The following SS18 variants were observed in gnomAD, a reference collection of about 807,000 sequenced individuals.
SS18 encodes the protein SS18 subunit of BAF chromatin remodeling complex, also known as protein SSXT.
A neutral mutation model predicts 72.5 loss-of-function variants in SS18; 28 were observed. The ratio of observed to expected loss-of-function variants is 0.39; its 90% CI spans 0.29 to 0.53. The LOEUF is 0.53. Among genes scored for constraint, SS18 ranks in the 20% least tolerant of loss-of-function variants. The pLI is 0.76. For synonymous variants in SS18, 172 were observed against 164.2 expected (o/e 1.05, Z -0.37); for missense variants, 518 against 535.3 (o/e 0.97, Z 0.32).
At chr18:26,036,010 G>GA (rs750016360) in intron 7 of SS18, 87 bp from the exon 8 acceptor site, 156 of 790,994 alleles carry the variant, frequency 2.0e-4, no homozygotes, top group Middle Eastern at 4.5e-4. Context: ...AGATAAAATT[G>GA]AAAAAAAAGA....
At position 26,019,962 on chromosome 18, in the gene SS18, G is replaced by A. The variant is rs549653616; in HGVS notation, c.1231-1582C>T. ...ACTCTGAAAAAAATAGTGTAGAGGG[G>A]TAGATAAAACAACATTGGCAAAATG... On this transcript the variant is annotated intron_variant, in intron 10 of 10. Transcript: ENST00000415083. Among the ~76,000 whole-genome samples the A allele has an allele frequency of 2.6e-5, 4 of 152,132 alleles. No individual in the cohort carries two copies. The South Asian group carries it at 6.2e-4, about 24-fold the overall frequency.
intron 9 of SS18, among the ~76,000 whole-genome samples, chr18:26,033,632 TTCAAGCTTAAATAAATTATATCAGC>T (rs149540636): frequency 0.02 from 3,063 of 152,184 alleles, 91 homozygotes; most frequent in African/African-American, 0.07. Flanking sequence ...AGAACAAGTT[TTCAAGCTTAAATAAATTATATCAGC>T]CTATTATTTA....
chr18:26,063,503 C>T (rs868579829), intron 3 of SS18, among the ~76,000 whole-genome samples: 15 of 151,670 alleles, frequency 9.9e-5, no homozygotes, highest in African/African-American at 2.2e-4. Flanking sequence ...GGCGACAGAG[C>T]GAGACTCCAT....
chr18:26,056,705 T>A (rs1421790759), intron 4 of SS18, among the ~76,000 whole-genome samples: 1 of 152,280 alleles, frequency 6.6e-6, no homozygotes. Flanking sequence ...ATAATTGTTC[T>A]GTTATTTTAT....
chr18:26,020,511 T>A (rs1299559253), intron 10 of SS18, among the ~76,000 whole-genome samples: 1 of 152,210 alleles, frequency 6.6e-6, no homozygotes, highest in East Asian at 1.9e-4. Flanking sequence ...GTATATAAGC[T>A]ATAATTTATC....
At chr18:26,049,587 C>T (rs1598565400) in intron 5 of SS18, among the ~76,000 whole-genome samples, 2 of 152,196 alleles carry the variant, frequency 1.3e-5, no homozygotes, top group Admixed American at 6.5e-5. Context: ...AGCAAACTCA[C>T]TACAGCCTCG....
At chr18:26,055,118 G>C (rs1025332216) in intron 4 of SS18, among the ~76,000 whole-genome samples, 3 of 151,924 alleles carry the variant, frequency 2.0e-5, no homozygotes, top group African/African-American at 7.3e-5. Flanking sequence ...GGCATCCTTT[G>C]GTATCCTTTG....
intron 5 of SS18, among the ~76,000 whole-genome samples, chr18:26,041,861 C>T (rs1255190081): frequency 1.3e-5 from 2 of 152,156 alleles, no homozygotes; most frequent in Non-Finnish European, 2.9e-5. Flanking sequence ...TGTGCTTTAT[C>T]TTTTGGGACT....
intron 5 of SS18, among the ~76,000 whole-genome samples, chr18:26,042,412 G>T (rs1188080464): frequency 6.6e-6 from 1 of 152,016 alleles, no homozygotes; most frequent in African/African-American, 2.4e-5. Context: ...TAATTACCTA[G>T]AATATATTTT....
At position 26,037,861 on chromosome 18, in the gene SS18, G is replaced by A. The variant is rs988916842; in HGVS notation, c.880+694C>T. Reference sequence around the variant, plus strand: ...GAAACTGTACTGTGAAAACCTACTTGTATGCTTGGATTATTGCTATTCAAA... The same window carrying A: ...GAAACTGTACTGTGAAAACCTACTTATATGCTTGGATTATTGCTATTCAAA... On this transcript the variant is annotated intron_variant, in intron 7 of 10. Transcript: ENST00000415083. 5.3e-5 allele frequency among the ~76,000 whole-genome samples: 8 copies of A among 151,948 alleles called. No individual in the cohort carries two copies. The South Asian group carries it at 1.0e-3, about 20-fold the overall frequency.
intron 5 of SS18, among the ~76,000 whole-genome samples, chr18:26,051,356 A>G (rs2143971054): frequency 6.6e-6 from 1 of 152,352 alleles, no homozygotes; most frequent in African/African-American, 2.4e-5. Context: ...AAACACCTCA[A>G]TACTTTTCTC....
At chr18:26,080,955 T>G (rs2054507765) in intron 2 of SS18, among the ~76,000 whole-genome samples, 1 of 152,192 alleles carries the variant, frequency 6.6e-6, no homozygotes, top group Non-Finnish European at 1.5e-5. Context: ...TACTATTTAA[T>G]CCACAGAACT....
At chr18:26,049,053 G>C (rs2053877968) in intron 5 of SS18, among the ~76,000 whole-genome samples, 1 of 152,138 alleles carries the variant, frequency 6.6e-6, no homozygotes, top group South Asian at 2.1e-4. Context: ...ATCCAAATCT[G>C]AAGAATTACA....
intron 2 of SS18, among the ~76,000 whole-genome samples, 163 bp downstream of exon 2, chr18:26,087,338 C>A (rs2054633116): frequency 6.6e-6 from 1 of 152,024 alleles, no homozygotes; most frequent in South Asian, 2.1e-4. Flanking sequence ...TCACGTAATA[C>A]CAGCACAACT....
intron 4 of SS18, among the ~76,000 whole-genome samples, chr18:26,053,708 AGATT>A (rs566072107): frequency 3.9e-3 from 594 of 152,348 alleles, no homozygotes; most frequent in Middle Eastern, 0.01. Flanking sequence ...CAACATTAAA[AGATT>A]GATTGCTTCA....
intron 2 of SS18, among the ~76,000 whole-genome samples, chr18:26,081,823 T>G (rs2054528966): frequency 6.6e-6 from 1 of 152,066 alleles, no homozygotes; most frequent in Non-Finnish European, 1.5e-5. Flanking sequence ...TTTGGGAGGC[T>G]GAGGCAGGAG....
intron 2 of SS18, among the ~76,000 whole-genome samples, chr18:26,079,521 A>C (rs1568030810): frequency 6.6e-6 from 1 of 152,210 alleles, no homozygotes; most frequent in Non-Finnish European, 1.5e-5. Flanking sequence ...ATTCCAAATT[A>C]ATTCATTTTC....
Position 26,029,429 on chromosome 18 carries a change from T to C in SS18, c.1230+2970A>G, listed in dbSNP as rs1478466649. ...CAAGAAAAGCAAAAAGGAGGATATA[T>C]TGCAACAGTCCAGATGAGTGCTAGT... On this transcript the variant is annotated intron_variant, in intron 10 of 10. Coordinates refer to ENST00000415083, the MANE Select transcript of SS18 (RefSeq NM_001007559.3). 2.6e-5 allele frequency among the ~76,000 whole-genome samples: 4 copies of C among 152,318 alleles called. 1 individual carries two copies. The highest frequency in any genetic ancestry group is 4.1e-4 in the South Asian group (2 of 4,822).
At chr18:26,052,578 A>C (rs1198223075) in intron 5 of SS18, 46 bp downstream of exon 5, 1 of 1,467,998 alleles carries the variant, frequency 6.8e-7, no homozygotes, top group South Asian at 1.2e-5. Context: ...TACTTTTCAA[A>C]GGCTAATAGA....
Sources: gnomAD v4.1 joint callset for allele counts (sites outside exome capture counted in the v4.1 genomes callset) on GRCh38, gnomAD v4.1.1 for gene constraint, MANE v1.5 for transcripts, NCBI Gene and HGNC (gene_info 2026-07-23, HGNC 2026-07-21) for gene names.